NAV3: variants seen among roughly 807,000 people sequenced by gnomAD.
NAV3 encodes neuron navigator 3.
NAV3 carries 87 observed loss-of-function variants against 244.7 expected under a neutral mutation model. The observed-to-expected ratio is 0.36, with a 90% confidence interval of 0.30 to 0.42. The LOEUF (loss-of-function observed/expected upper bound fraction) is 0.42. NAV3 is among the 20% of genes least tolerant of loss of function. The pLI is 1.00. For synonymous variants in NAV3, 1,126 were observed against 1,042.2 expected, an observed-to-expected ratio of 1.08 and a Z score of -1.55; for missense variants, 2,663 against 2,893.3, an observed-to-expected ratio of 0.92 and a Z score of 1.83.
At chr12:78,114,402 G>T (rs1379662437) in intron 12 of NAV3, among the ~76,000 whole-genome samples, 1 of 152,096 alleles carries the variant, frequency 6.6e-6, no homozygotes. Context: ...AGGCTGGGTA[G>T]TTTATAAAGA....
chr12:77,942,743 A>G (rs1889994131), intron 3 of NAV3, among the ~76,000 whole-genome samples: 1 of 152,222 alleles, frequency 6.6e-6, no homozygotes, highest in African/African-American at 2.4e-5. Flanking sequence ...TGACAATGAG[A>G]TATGTATGTG....
chr12:78,059,032 A>C lies in NAV3; in HGVS notation c.2553A>C (p.Arg851Ser). 1 of 1,610,088 alleles carries C rather than the reference A, an allele frequency of 6.2e-7. No individual in the cohort carries two copies. The highest frequency in any genetic ancestry group is 1.1e-5 in the South Asian group (1 of 90,514). Residue 851 changes from arginine (R) to serine (S), a missense_variant, in exon 12 of 40, where the codon AGA becomes AGC. Arg to Ser is a moderately radical substitution (Grantham distance 110). Coordinates refer to ENST00000397909, the MANE Select transcript of NAV3 (RefSeq NM_001024383.2). ...ATGGAGGACTTAACCTATATACTAG[A>C]AGTCTGAACCGAATACCAGACACAG... ...MTDGGLNLYT[R>S]SLNRIPDTAT...
At chr12:78,181,911 A>G (rs1031060941) in intron 30 of NAV3, among the ~76,000 whole-genome samples, 1 of 152,036 alleles carries the variant, frequency 6.6e-6, no homozygotes, top group African/African-American at 2.4e-5. Flanking sequence ...AATGAATCAC[A>G]TCTCTTCTAA....
chr12:77,685,875 C>T (rs768163735), intron 2 of NAV3, among the ~76,000 whole-genome samples: 3 of 152,146 alleles, frequency 2.0e-5, no homozygotes, highest in Non-Finnish European at 4.4e-5. Flanking sequence ...TATGCCGTTG[C>T]CATTTAGAGT....
At chr12:77,796,759 C>G (rs912620867) in intron 2 of NAV3, among the ~76,000 whole-genome samples, 1 of 152,070 alleles carries the variant, frequency 6.6e-6, no homozygotes, top group Non-Finnish European at 1.5e-5. Context: ...TACTGAGGCA[C>G]GACTTTATAC....
At chr12:78,038,783 T>C (rs560617637) in intron 9 of NAV3, among the ~76,000 whole-genome samples, 4 of 152,346 alleles carry the variant, frequency 2.6e-5, no homozygotes, top group Admixed American at 2.6e-4. Context: ...ATAATATTCC[T>C]CTTTTGCTTT....
chr12:77,920,426 T>TA (rs1887595751), intron 1 of NAV3, among the ~76,000 whole-genome samples: 1 of 151,900 alleles, frequency 6.6e-6, no homozygotes, highest in Admixed American at 6.6e-5. Context: ...AAGTCAGATT[T>TA]AAAAAACACA....
At chr12:77,897,093 C>T (rs1884710323) in intron 1 of NAV3, among the ~76,000 whole-genome samples, 1 of 152,166 alleles carries the variant, frequency 6.6e-6, no homozygotes, top group Non-Finnish European at 1.5e-5. Context: ...AACAAGCCCA[C>T]ACATGATTTG....
At chr12:77,735,659 G>T (rs1468118496) in intron 2 of NAV3, among the ~76,000 whole-genome samples, 2 of 152,014 alleles carry the variant, frequency 1.3e-5, no homozygotes, top group Non-Finnish European at 2.9e-5. Context: ...ATAAAAAAAT[G>T]ATTTTGGAAA....
intron 2 of NAV3, among the ~76,000 whole-genome samples, chr12:77,744,334 A>G (rs1201407619): frequency 1.3e-5 from 2 of 152,030 alleles, no homozygotes; most frequent in Non-Finnish European, 2.9e-5. Context: ...AGATTTTTCA[A>G]CAAATGGTTC....
intron 1 of NAV3, among the ~76,000 whole-genome samples, chr12:77,887,983 G>A (rs1433217099): frequency 1.3e-5 from 2 of 150,036 alleles, no homozygotes; most frequent in African/African-American, 4.9e-5. Flanking sequence ...ATGTTACAGT[G>A]GCAAACAATA....
intron 3 of NAV3, among the ~76,000 whole-genome samples, chr12:77,959,890 AGTATATTCCTCCCT>A (rs1253529520): frequency 7.8e-6 from 1 of 128,578 alleles, no homozygotes; most frequent in Non-Finnish European, 1.6e-5. Flanking sequence ...ACTCCAGAGT[AGTATATTCCTCCCT>A]GACCCGACAA....
chr12:78,145,846 T>C (rs932648446), intron 20 of NAV3, among the ~76,000 whole-genome samples: 1 of 152,214 alleles, frequency 6.6e-6, no homozygotes, highest in African/African-American at 2.4e-5. Context: ...ATAATGTTAA[T>C]TATCTGTGGT....
chr12:78,013,762 A>G (rs1382635), intron 8 of NAV3, among the ~76,000 whole-genome samples: 72,994 of 151,900 alleles, frequency 0.48, 18,468 homozygotes, highest in East Asian at 0.74. Flanking sequence ...GAACCAGGTT[A>G]AATGTATAGA....
At chr12:77,706,056 G>C (rs1875784454) in intron 2 of NAV3, among the ~76,000 whole-genome samples, 1 of 151,324 alleles carries the variant, frequency 6.6e-6, no homozygotes, top group Admixed American at 6.6e-5. Context: ...AGGAAATACA[G>C]TTCTTTTGTA....
chr12:77,598,718 A>G (rs963659314), intron 2 of NAV3, among the ~76,000 whole-genome samples: 20 of 152,008 alleles, frequency 1.3e-4, no homozygotes, highest in African/African-American at 3.4e-4. Flanking sequence ...ACCTACCTGT[A>G]AAGTGACTTA....
chr12:77,965,954 A>G (rs1892475599), intron 3 of NAV3, among the ~76,000 whole-genome samples: 2 of 152,188 alleles, frequency 1.3e-5, no homozygotes, highest in Non-Finnish European at 2.9e-5. Context: ...TACAAGATCC[A>G]GTTTTATGTT....
chr12:78,055,045 A>T (rs1883280239), intron 11 of NAV3, among the ~76,000 whole-genome samples: 1 of 152,202 alleles, frequency 6.6e-6, no homozygotes, highest in Admixed American at 6.5e-5. Context: ...GTATGTATAC[A>T]TGTATATGTC....
chr12:78,149,414 G>A (rs1956987051), intron 22 of NAV3, among the ~76,000 whole-genome samples: 1 of 152,062 alleles, frequency 6.6e-6, no homozygotes, highest in Non-Finnish European at 1.5e-5. Context: ...AAAAACCTTG[G>A]CAGCCTTCTC....
Sources: gnomAD v4.1 joint callset for allele counts (sites outside exome capture counted in the v4.1 genomes callset) on GRCh38, gnomAD v4.1.1 for gene constraint, MANE v1.5 for transcripts, NCBI Gene and HGNC (gene_info 2026-07-23, HGNC 2026-07-21) for gene names.